Variants in NTNG1 observed in about 807,000 individuals in gnomAD.
NTNG1 encodes netrin-G1.
NTNG1 carries 16 observed loss-of-function variants against 54.0 expected under a neutral mutation model. The observed-to-expected ratio is 0.30, with a 90% CI of 0.20 to 0.45. The LOEUF is 0.45. Ranked by LOEUF, NTNG1 falls within the 20% of genes least tolerant of loss-of-function variation. The pLI is 1.00. For missense variants in NTNG1, 530 were observed against 678.7 expected (o/e 0.78, Z 2.43); for synonymous variants, 255 against 263.1 (o/e 0.97, Z 0.30).
At chr1:107,424,882 G>A (rs1017615233) in intron 5 of NTNG1, among the ~76,000 whole-genome samples, 2 of 152,060 alleles carry the variant, frequency 1.3e-5, no homozygotes, top group African/African-American at 4.8e-5. Context: ...ATGGGGTTGG[G>A]TAAAAATCAT....
At chr1:107,359,365 T>A (rs1670129327) in intron 3 of NTNG1, among the ~76,000 whole-genome samples, 2 of 152,164 alleles carry the variant, frequency 1.3e-5, no homozygotes, top group South Asian at 4.1e-4. Flanking sequence ...ATTGACTGAA[T>A]CTGAACCCTA....
At chr1:107,259,382 G>T (rs1039217585) in intron 2 of NTNG1, among the ~76,000 whole-genome samples, 3 of 152,058 alleles carry the variant, frequency 2.0e-5, no homozygotes, top group Admixed American at 1.3e-4. Flanking sequence ...AAGGTTTCCT[G>T]AAAGGATCAC....
intron 7 of NTNG1, among the ~76,000 whole-genome samples, chr1:107,447,881 C>T (rs1361106965): frequency 6.6e-6 from 1 of 152,054 alleles, no homozygotes; most frequent in African/African-American, 2.4e-5. Flanking sequence ...TATCACATTG[C>T]CCAAAGCATT....
chr1:107,416,441 A>G (rs964261784), intron 5 of NTNG1, among the ~76,000 whole-genome samples: 5 of 152,124 alleles, frequency 3.3e-5, no homozygotes, highest in Non-Finnish European at 5.9e-5. Flanking sequence ...TGAGGTGTCT[A>G]TCTTGATAAG....
At chr1:107,444,068 C>T (rs1676152324) in intron 7 of NTNG1, among the ~76,000 whole-genome samples, 1 of 152,006 alleles carries the variant, frequency 6.6e-6, no homozygotes, top group African/African-American at 2.4e-5. Context: ...GGTAGTACTC[C>T]TGGGGGCAAA....
At chr1:107,345,571 C>A (rs1669168520) in intron 3 of NTNG1, among the ~76,000 whole-genome samples, 1 of 152,116 alleles carries the variant, frequency 6.6e-6, no homozygotes, top group African/African-American at 2.4e-5. Flanking sequence ...TCATATTATT[C>A]ATGACGGCAA....
intron 2 of NTNG1, among the ~76,000 whole-genome samples, chr1:107,175,176 T>G (rs1471043388): frequency 6.6e-6 from 1 of 152,196 alleles, no homozygotes; most frequent in Admixed American, 6.5e-5. Context: ...AAAAATCAGC[T>G]TATTGAGATG....
intron 2 of NTNG1, among the ~76,000 whole-genome samples, chr1:107,293,360 G>A (rs1166772737): frequency 6.6e-6 from 1 of 152,012 alleles, no homozygotes; most frequent in Non-Finnish European, 1.5e-5. Flanking sequence ...CATATTCTAG[G>A]AATTTTTCCT....
At chr1:107,202,304 A>G (rs1293952737) in intron 2 of NTNG1, among the ~76,000 whole-genome samples, 1 of 151,114 alleles carries the variant, frequency 6.6e-6, no homozygotes, top group Non-Finnish European at 1.5e-5. Flanking sequence ...CTATTTGTTT[A>G]ACTTATATAT....
intron 5 of NTNG1, chr1:107,410,731 A>G (rs916676110): frequency 6.6e-6 from 1 of 152,156 alleles, no homozygotes; most frequent in Admixed American, 6.6e-5. Flanking sequence ...ATCCAAAGTA[A>G]TAGTTGTCTT....
In NTNG1 at chr1:107,431,295, C is replaced by G. The variant is rs116621657; in HGVS notation, c.1255+378C>G. ...TTTCAAAATAGAAACTCATTATATG[C>G]GATTTAATTATAGATATGAAAAATT... On this transcript the variant is annotated intron_variant, in intron 6 of 7. Transcript: ENST00000370068. Among the ~76,000 whole-genome samples the G allele has an allele frequency of 5.7e-3, 872 of 152,006 alleles. 12 individuals carry two copies. The highest frequency in any genetic ancestry group is 0.02 in the African/African-American group (833 of 41,468).
chr1:107,239,970 A>AGTCACACTT (rs1471026682), intron 2 of NTNG1, among the ~76,000 whole-genome samples: 2 of 152,226 alleles, frequency 1.3e-5, no homozygotes, highest in Non-Finnish European at 2.9e-5. Context: ...CAGTTACACT[A>AGTCACACTT]GTCACACTTC....
chr1:107,221,473 T>C (rs1161573586), intron 2 of NTNG1, among the ~76,000 whole-genome samples: 1 of 152,210 alleles, frequency 6.6e-6, no homozygotes, highest in African/African-American at 2.4e-5. Flanking sequence ...GGCTCTATGA[T>C]AAAGTTGACA....
chr1:107,345,322 G>T (rs1669151550), intron 3 of NTNG1, among the ~76,000 whole-genome samples: 2 of 152,144 alleles, frequency 1.3e-5, no homozygotes, highest in African/African-American at 2.4e-5. Flanking sequence ...ACTACTTACT[G>T]TTAGCTAATA....
chr1:107,258,299 A>C (rs1663070695), intron 2 of NTNG1, among the ~76,000 whole-genome samples: 1 of 151,668 alleles, frequency 6.6e-6, no homozygotes, highest in Admixed American at 6.6e-5. Context: ...AAAAAAAAAA[A>C]CCCATGATAT....
chr1:107,462,037 G>A (rs976534021), intron 7 of NTNG1, among the ~76,000 whole-genome samples: 4 of 152,156 alleles, frequency 2.6e-5, no homozygotes, highest in East Asian at 1.9e-4. Context: ...TAGGAGCAAC[G>A]CAGATAATGA....
At chr1:107,334,291 G>C (rs1668449286) in intron 3 of NTNG1, among the ~76,000 whole-genome samples, 1 of 151,946 alleles carries the variant, frequency 6.6e-6, no homozygotes, top group Admixed American at 6.6e-5. Context: ...ATTGTATATA[G>C]CTAAGGATAT....
chr1:107,214,272 C>CCCATA (rs1438060665), intron 2 of NTNG1, among the ~76,000 whole-genome samples: 1 of 152,124 alleles, frequency 6.6e-6, no homozygotes, highest in Non-Finnish European at 1.5e-5. Flanking sequence ...CTCACCCCTT[C>CCCATA]CCATACTTTC....
intron 3 of NTNG1, among the ~76,000 whole-genome samples, chr1:107,380,110 A>G (rs1484141448): frequency 1.3e-5 from 2 of 152,214 alleles, no homozygotes; most frequent in African/African-American, 4.8e-5. Context: ...AGTGACCTTC[A>G]GGGGAGGCCA....
Sources: gnomAD v4.1 joint callset for allele counts (sites outside exome capture counted in the v4.1 genomes callset) on GRCh38, gnomAD v4.1.1 for gene constraint, MANE v1.5 for transcripts, NCBI Gene and HGNC (gene_info 2026-07-23, HGNC 2026-07-21) for gene names.